Variants in GSE1 observed in about 807,000 individuals in gnomAD.
GSE1 encodes Gse1 coiled-coil protein.
Under a neutral mutation model 112.6 loss-of-function variants are expected in GSE1, and 32 were observed. The observed-to-expected ratio is 0.28, with a 90% confidence interval of 0.21 to 0.38. The LOEUF (loss-of-function observed/expected upper bound fraction) is 0.38. GSE1 is among the 10% of genes least tolerant of loss of function. The probability of loss-of-function intolerance (pLI) is 1.00; values close to 1 mark genes in which losing one functional copy is unlikely to be tolerated. For missense variants in GSE1, 2,348 were observed against 1,699.2 expected, an observed-to-expected ratio of 1.38 and a Z score of -6.71; for synonymous variants, 1,115 against 735.6, an observed-to-expected ratio of 1.52 and a Z score of -8.35.
chr16:85,284,356 C>T (rs538932633), intron 1 of GSE1, among the ~76,000 whole-genome samples: 22 of 152,288 alleles, frequency 1.4e-4, no homozygotes, highest in East Asian at 5.8e-4. Context: ...GGTCTCCCGG[C>T]GGGGGCCGGG....
At chr16:85,376,920 G>A (rs572019586) in intron 2 of GSE1, among the ~76,000 whole-genome samples, 205 of 152,352 alleles carry the variant, frequency 1.3e-3, no homozygotes, top group African/African-American at 4.4e-3. Flanking sequence ...CCGGCCCCGC[G>A]TTACCCGACG....
chr16:85,606,121 ACT>A (rs2047693543), intron 1 of GSE1, among the ~76,000 whole-genome samples: 1 of 151,778 alleles, frequency 6.6e-6, no homozygotes, highest in Non-Finnish European at 1.5e-5. Flanking sequence ...GGCACAGCCC[ACT>A]CCAGCAGGCC....
chr16:85,520,939 T>C (rs888653296), intron 2 of GSE1, among the ~76,000 whole-genome samples: 4 of 152,284 alleles, frequency 2.6e-5, no homozygotes, highest in African/African-American at 9.6e-5. Context: ...TGGCCAGCAC[T>C]GCCCTGGATG....
intron 2 of GSE1, among the ~76,000 whole-genome samples, chr16:85,500,405 A>G (rs905940645): frequency 3.9e-5 from 6 of 152,236 alleles, no homozygotes; most frequent in Non-Finnish European, 7.3e-5. Flanking sequence ...GTAATTGGCT[A>G]AAATAAATCA....
chr16:85,328,536 A>T (rs2046273718), intron 1 of GSE1, among the ~76,000 whole-genome samples: 1 of 152,222 alleles, frequency 6.6e-6, no homozygotes, highest in African/African-American at 2.4e-5. Flanking sequence ...CTGCAGCACA[A>T]AATGGGGTGG....
intron 1 of GSE1, among the ~76,000 whole-genome samples, chr16:85,565,360 C>T (rs2045696302): frequency 6.7e-6 from 1 of 150,328 alleles, no homozygotes; most frequent in African/African-American, 2.5e-5. Context: ...CACTGCACTC[C>T]AGCCTGGGTG....
intron 2 of GSE1, among the ~76,000 whole-genome samples, chr16:85,647,976 C>T (rs1598564776): frequency 6.6e-6 from 1 of 152,072 alleles, no homozygotes; most frequent in East Asian, 2.0e-4. Context: ...GCGCCTTTTC[C>T]TGTGACCCCC....
chr16:85,625,787 G>C (rs898125886), intron 1 of GSE1, among the ~76,000 whole-genome samples: 11 of 152,320 alleles, frequency 7.2e-5, no homozygotes, highest in African/African-American at 2.6e-4. Context: ...CATTGCTTGG[G>C]AGATGGCTCA....
intron 1 of GSE1, chr16:85,171,844 T>G: frequency 1.1e-6 from 1 of 948,748 alleles, no homozygotes; most frequent in Non-Finnish European, 1.3e-6. Flanking sequence ...AGACGCTTCC[T>G]CCAAAATCCA....
intron 1 of GSE1, among the ~76,000 whole-genome samples, chr16:85,317,701 A>G (rs1322938249): frequency 6.6e-6 from 1 of 152,056 alleles, no homozygotes; most frequent in African/African-American, 2.4e-5. Flanking sequence ...CGGTGCCCAC[A>G]GTGAACGCTG....
intron 2 of GSE1, among the ~76,000 whole-genome samples, chr16:85,641,915 C>T (rs936452623): frequency 3.3e-5 from 5 of 152,352 alleles, no homozygotes; most frequent in East Asian, 1.9e-4. Context: ...GCCACAAGTC[C>T]GCCCAGGGCT....
chr16:85,238,679 A>G (rs1904920045), intron 1 of GSE1, among the ~76,000 whole-genome samples: 1 of 152,054 alleles, frequency 6.6e-6, no homozygotes, highest in African/African-American at 2.4e-5. Flanking sequence ...TTGCCGCAGG[A>G]TCTCCCTGCT....
At chr16:85,608,384 A>C (rs1456288916), upstream of GSE1, among the ~76,000 whole-genome samples, 1 of 152,106 alleles carries the variant, frequency 6.6e-6, no homozygotes, top group African/African-American at 2.4e-5. Context: ...TGGACTGTGC[A>C]TACAGGGGAG....
intron 1 of GSE1, among the ~76,000 whole-genome samples, chr16:85,292,585 C>A (rs547046061): frequency 7.2e-5 from 11 of 152,262 alleles, no homozygotes; most frequent in Non-Finnish European, 1.3e-4. Flanking sequence ...CCTCGGCCCC[C>A]CAAAGTGCTG....
intron 2 of GSE1, among the ~76,000 whole-genome samples, chr16:85,370,992 G>A (rs2047286264): frequency 6.6e-6 from 1 of 152,222 alleles, no homozygotes; most frequent in South Asian, 2.1e-4. Context: ...GCCTGCGCCC[G>A]GCGGTGGCTG....
chr16:85,612,139 C>G (rs946489920), upstream of GSE1, among the ~76,000 whole-genome samples: 1 of 151,852 alleles, frequency 6.6e-6, no homozygotes, highest in Non-Finnish European at 1.5e-5. Flanking sequence ...GGGTTACAGC[C>G]CAGGGCGCCA....
chr16:85,174,419 T>A (rs2074419242), intron 1 of GSE1, among the ~76,000 whole-genome samples: 1 of 152,056 alleles, frequency 6.6e-6, no homozygotes, highest in African/African-American at 2.4e-5. Context: ...GGTCTCAGGC[T>A]CCCCTGGACG....
intron 7 of GSE1, 51 bp downstream of exon 7, chr16:85,656,716 G>A (rs1032068140): frequency 1.4e-6 from 2 of 1,446,786 alleles, no homozygotes; most frequent in African/African-American, 2.9e-5. Context: ...CCACCCGCGG[G>A]GAGGAGCCCT....
chr16:85,601,463 C>T (rs2047461036), intron 1 of GSE1, among the ~76,000 whole-genome samples: 1 of 151,976 alleles, frequency 6.6e-6, no homozygotes, highest in Non-Finnish European at 1.5e-5. Context: ...AGAGGAAGGC[C>T]AGGCGGGAAG....
Sources: gnomAD v4.1 joint callset for allele counts (sites outside exome capture counted in the v4.1 genomes callset) on GRCh38, gnomAD v4.1.1 for gene constraint, MANE v1.5 for transcripts, NCBI Gene and HGNC (gene_info 2026-07-23, HGNC 2026-07-21) for gene names.